SFMBT2: variants seen among roughly 807,000 people sequenced by gnomAD.
SFMBT2 encodes Scm like with four mbt domains 2.
Under a neutral mutation model 110.1 loss-of-function variants are expected in SFMBT2, and 38 were observed. The ratio of observed to expected loss-of-function variants is 0.35; its 90% CI spans 0.27 to 0.45. The LOEUF is 0.45. Among genes scored for constraint, SFMBT2 ranks in the 20% least tolerant of loss-of-function variants. The probability of loss-of-function intolerance (pLI) is 1.00; values close to 1 mark genes in which losing one functional copy is unlikely to be tolerated. For synonymous variants in SFMBT2, 425 were observed against 425.4 expected, an observed-to-expected ratio of 1.00 and a Z score of 0.01; for missense variants, 1,011 against 1,094.9, an observed-to-expected ratio of 0.92 and a Z score of 1.08.
At chr10:7,283,083 C>T (rs1420525570) in intron 6 of SFMBT2, among the ~76,000 whole-genome samples, 3 of 152,170 alleles carry the variant, frequency 2.0e-5, no homozygotes, top group Non-Finnish European at 2.9e-5. Flanking sequence ...GAACTCCAGT[C>T]TCAATTTTCT....
intron 7 of SFMBT2, among the ~76,000 whole-genome samples, chr10:7,262,379 A>G (rs1023088168): frequency 4.6e-5 from 7 of 152,232 alleles, no homozygotes; most frequent in African/African-American, 1.7e-4. Flanking sequence ...AATGGCCCAA[A>G]AAATAAAAAA....
chr10:7,227,917 C>T lies in SFMBT2; in HGVS notation c.1141G>A (p.Asp381Asn), dbSNP rs1341084771. ...PPKGYSGQDF[D>N]WADYHKQHGA... ...TGCTGCTTGTGATAATCTGCCCAGT[C>T]GAAGTCCTGGCCAGAGTAACCTGGG... Residue 381 changes from aspartate (D) to asparagine (N), a missense_variant, in exon 10 of 21, where the codon GAC (aspartate) becomes AAC (asparagine). Asp to Asn is a conservative substitution (Grantham distance 23). Around this residue, in one of 2 missense-constraint regions of SFMBT2, gnomAD observed 979 missense variants for 1,016.1 expected, o/e 0.96. Transcript: ENST00000397167. The T allele has an allele frequency of 5.6e-6, 9 of 1,602,042 alleles. No homozygotes were observed. The highest frequency in any genetic ancestry group is 7.7e-6 in the Non-Finnish European group (9 of 1,175,970).
chr10:7,400,850 C>CCG (rs955817755), intron 1 of SFMBT2, among the ~76,000 whole-genome samples: 2 of 152,094 alleles, frequency 1.3e-5, no homozygotes, highest in Admixed American at 1.3e-4. Flanking sequence ...GCATCCCCCC[C>CCG]GGCCAGGCGC....
intron 15 of SFMBT2, among the ~76,000 whole-genome samples, chr10:7,190,393 T>G (rs756194189): frequency 2.0e-5 from 3 of 152,250 alleles, no homozygotes; most frequent in Non-Finnish European, 4.4e-5. Flanking sequence ...CTGCATGTTA[T>G]TTGCTGCATA....
Position 7,175,981 on chromosome 10 carries a change from T to G in SFMBT2, c.1984+9A>C. The stretch of plus-strand genomic sequence containing the variant: ...CTCATGCATTTCTTTTTTCATTATT[T>G]GTACTTACTGTATTTGGTTTTGGTA... On this transcript the variant is annotated intron_variant, in intron 17 of 20. Coordinates refer to ENST00000397167, the MANE Select transcript of SFMBT2 (RefSeq NM_001387889.1). 1 of 1,606,838 alleles carries G rather than the reference T, an allele frequency of 6.2e-7. No individual in the cohort carries two copies. Among genetic ancestry groups the G allele is most frequent in the Non-Finnish European group, 8.5e-7 (1 of 1,174,478 alleles).
rs1486109087 is a variant in SFMBT2 at position 7,373,416 on chromosome 10, G to A, written c.101-3041C>T. ...CTCGGGTATTCTGTTATAGGAACAC[G>A]AAACAGAATGAAACAGTGGTTTACA... On this transcript the variant is annotated intron_variant, in intron 2 of 20. Coordinates refer to ENST00000397167, the MANE Select transcript of SFMBT2 (RefSeq NM_001387889.1). 3.9e-5 allele frequency among the ~76,000 whole-genome samples: 6 copies of A among 152,088 alleles called. No homozygotes were observed. In the East Asian group the frequency reaches 5.8e-4, roughly 15 times the overall value.
intron 16 of SFMBT2, among the ~76,000 whole-genome samples, chr10:7,183,635 C>T (rs1005210005): frequency 3.3e-5 from 5 of 152,244 alleles, no homozygotes; most frequent in South Asian, 4.2e-4. Context: ...AGGAGAGAGA[C>T]GTAAGAGTAA....
At chr10:7,384,227 A>AAC (rs1845517103) in intron 1 of SFMBT2, among the ~76,000 whole-genome samples, 1 of 149,750 alleles carries the variant, frequency 6.7e-6, no homozygotes, top group Non-Finnish European at 1.5e-5. Context: ...AAAAAAAAAA[A>AAC]AAAAAAAAAA....
At chr10:7,264,937 G>GAAAA (rs35999336) in intron 7 of SFMBT2, among the ~76,000 whole-genome samples, 1 of 95,228 alleles carries the variant, frequency 1.1e-5, no homozygotes, top group East Asian at 3.8e-4. Context: ...TAAAAAAGAG[G>GAAAA]AAAAAAAAAA....
chr10:7,210,927 G>A (rs1357344356), intron 11 of SFMBT2, among the ~76,000 whole-genome samples: 2 of 151,988 alleles, frequency 1.3e-5, no homozygotes, highest in Non-Finnish European at 1.5e-5. Flanking sequence ...TGGGGGGGGT[G>A]TGGGGAGGGG....
chr10:7,354,455 C>T (rs144895981), intron 4 of SFMBT2, among the ~76,000 whole-genome samples: 1 of 152,302 alleles, frequency 6.6e-6, no homozygotes, highest in East Asian at 1.9e-4. Context: ...TGGTGACATC[C>T]TTCTCAACCA....
At chr10:7,305,411 T>G (rs559072856) in intron 4 of SFMBT2, among the ~76,000 whole-genome samples, 10 of 152,340 alleles carry the variant, frequency 6.6e-5, no homozygotes, top group Non-Finnish European at 1.3e-4. Flanking sequence ...TAAGTACCTG[T>G]GGGTCCTCCA....
intron 14 of SFMBT2, among the ~76,000 whole-genome samples, chr10:7,198,711 T>C (rs912852834): frequency 5.3e-5 from 8 of 152,308 alleles, no homozygotes; most frequent in Middle Eastern, 3.4e-3. Flanking sequence ...TCCAATGCCA[T>C]GGGCAAGCAG....
chr10:7,290,700 G>C (rs1018731770), intron 4 of SFMBT2, among the ~76,000 whole-genome samples: 2 of 152,056 alleles, frequency 1.3e-5, no homozygotes, highest in Non-Finnish European at 2.9e-5. Context: ...AGCTGGGCAT[G>C]GTAGTGGGTG....
intron 4 of SFMBT2, among the ~76,000 whole-genome samples, chr10:7,365,135 C>T (rs796554749): frequency 7.2e-5 from 11 of 152,288 alleles, no homozygotes; most frequent in African/African-American, 2.6e-4. Context: ...CCAGGGTGTG[C>T]CTCCTGACCC....
In SFMBT2 at chr10:7,284,261, CG is replaced by C; in HGVS notation, c.526-112del. On this transcript the variant is annotated intron_variant, in intron 5 of 20. Transcript: ENST00000397167. ...TTCACACCATCATCCAAGGTACTGG[CG>C]AACAGTCTGGCGTTCCCTCCACCCC... is the stretch of plus-strand genomic sequence containing the variant. The C allele has an allele frequency of 2.1e-5, 32 of 1,513,774 alleles. No individual in the cohort carries two copies. In the South Asian group the frequency reaches 4.1e-4, roughly 19 times the overall value. 93.8% of individuals were successfully genotyped at this position (1,513,774 alleles called of 1,614,324 possible). A position where few individuals can be genotyped will look rare whatever the true frequency, so the allele number is the denominator to read the frequency against.
At chr10:7,291,588 C>A (rs965367009) in intron 4 of SFMBT2, among the ~76,000 whole-genome samples, 6 of 152,142 alleles carry the variant, frequency 3.9e-5, no homozygotes, top group African/African-American at 1.4e-4. Context: ...TGATCAGAAG[C>A]TTTCCTGGAA....
At chr10:7,230,513 G>A (rs1352655418) in intron 9 of SFMBT2, among the ~76,000 whole-genome samples, 2 of 152,350 alleles carry the variant, frequency 1.3e-5, no homozygotes, top group Middle Eastern at 3.4e-3. Context: ...ACAGGACAAA[G>A]GGCCTGGAAC....
intron 15 of SFMBT2, among the ~76,000 whole-genome samples, chr10:7,194,194 T>C (rs1838696004): frequency 6.6e-6 from 1 of 152,110 alleles, no homozygotes; most frequent in Admixed American, 6.5e-5. Flanking sequence ...GACCATTGAG[T>C]GACTCTGGTT....
Sources: allele counts gnomAD v4.1 joint callset (sites outside exome capture counted in the v4.1 genomes callset), GRCh38; gene constraint gnomAD v4.1.1; regional missense constraint gnomAD v4.1.1; transcripts MANE v1.5; gene names NCBI Gene and HGNC (gene_info 2026-07-23, HGNC 2026-07-21).